The following GRIK4 variants were observed in gnomAD, a reference collection of about 807,000 sequenced individuals.
GRIK4 encodes the protein glutamate receptor ionotropic, kainate 4.
A neutral mutation model predicts 104.9 loss-of-function variants in GRIK4; 40 were observed. The ratio of observed to expected loss-of-function variants is 0.38; its 90% confidence interval spans 0.30 to 0.50. The LOEUF is 0.50. Ranked by LOEUF, GRIK4 falls within the 20% of genes least tolerant of loss-of-function variation. The pLI, the probability that GRIK4 is intolerant of heterozygous loss-of-function variation, is 0.93. For missense variants in GRIK4, 1,047 were observed against 1,308.1 expected (o/e 0.80, Z 3.08); for synonymous variants, 485 against 524.9 (o/e 0.92, Z 1.04).
intron 8 of GRIK4, among the ~76,000 whole-genome samples, chr11:120,851,070 G>C (rs1025697816): frequency 6.6e-6 from 1 of 152,044 alleles, no homozygotes; most frequent in Admixed American, 6.6e-5. Flanking sequence ...CGCATCTCCT[G>C]TGAATTCCAA....
At chr11:120,861,180 C>T (rs1009954921) in intron 8 of GRIK4, among the ~76,000 whole-genome samples, 1 of 142,482 alleles carries the variant, frequency 7.0e-6, no homozygotes, top group African/African-American at 2.6e-5. Flanking sequence ...ACAATCTCGG[C>T]TCACTGCAAC....
At position 120,874,020 on chromosome 11, in the gene GRIK4, T is replaced by C; in HGVS notation, c.907-46T>C. 2.6e-6 allele frequency: 4 copies of C among 1,557,096 alleles called. No homozygotes were observed. The South Asian group carries it at 3.5e-5, about 13-fold the overall frequency. ...TCTCCCTCCCCTCCCTTTCTTCCTCTACACCTCTCACTCCCTCCCTCCGCC... is the reference window on the plus strand; with the variant it reads ...TCTCCCTCCCCTCCCTTTCTTCCTCCACACCTCTCACTCCCTCCCTCCGCC... On this transcript the variant is annotated intron_variant, in intron 9 of 20. Coordinates refer to ENST00000527524, the MANE Select transcript of GRIK4 (RefSeq NM_014619.5).
chr11:120,783,975 C>T (rs1952213338), intron 3 of GRIK4, among the ~76,000 whole-genome samples: 1 of 152,144 alleles, frequency 6.6e-6, no homozygotes, highest in Non-Finnish European at 1.5e-5. Flanking sequence ...ACGGAGGTCC[C>T]AGCCTCAGGG....
At chr11:120,543,296 G>T (rs1051946121) in intron 1 of GRIK4, among the ~76,000 whole-genome samples, 2 of 152,102 alleles carry the variant, frequency 1.3e-5, no homozygotes, top group African/African-American at 4.8e-5. Flanking sequence ...AAAAAACTAG[G>T]CCTGGGTGTG....
At chr11:120,681,897 C>G (rs1284564145) in intron 3 of GRIK4, among the ~76,000 whole-genome samples, 1 of 152,212 alleles carries the variant, frequency 6.6e-6, no homozygotes, top group Non-Finnish European at 1.5e-5. Context: ...TAAAGGCTCT[C>G]CAAGGGGAAG....
intron 1 of GRIK4, among the ~76,000 whole-genome samples, chr11:120,591,256 G>A (rs932270655): frequency 2.0e-5 from 3 of 151,810 alleles, no homozygotes; most frequent in Non-Finnish European, 4.4e-5. Context: ...GCACCTGGAT[G>A]TCAGGAGGCA....
At chr11:120,732,291 C>T (rs1591843552) in intron 3 of GRIK4, among the ~76,000 whole-genome samples, 1 of 151,966 alleles carries the variant, frequency 6.6e-6, no homozygotes, top group African/African-American at 2.4e-5. Flanking sequence ...ACCACAACAC[C>T]CGGCTAATTT....
intron 3 of GRIK4, among the ~76,000 whole-genome samples, chr11:120,691,674 T>A (rs1050735173): frequency 6.6e-6 from 1 of 152,192 alleles, no homozygotes; most frequent in African/African-American, 2.4e-5. Flanking sequence ...TCATCCCCAT[T>A]GAACCCAGGT....
chr11:120,717,386 T>G (rs1212149538), intron 3 of GRIK4, among the ~76,000 whole-genome samples: 5 of 152,154 alleles, frequency 3.3e-5, no homozygotes, highest in Non-Finnish European at 7.4e-5. Flanking sequence ...CTTCCCTACT[T>G]CTCCTGTCCC....
chr11:120,601,967 T>A (rs1183121474), intron 1 of GRIK4, among the ~76,000 whole-genome samples: 1 of 152,150 alleles, frequency 6.6e-6, no homozygotes, highest in African/African-American at 2.4e-5. Context: ...CAGTGACCCC[T>A]GACTCCTACA....
At chr11:120,894,129 C>G (rs1327990931) in intron 11 of GRIK4, among the ~76,000 whole-genome samples, 1 of 152,198 alleles carries the variant, frequency 6.6e-6, no homozygotes, top group Non-Finnish European at 1.5e-5. Context: ...TGAAGCCTTT[C>G]ACAGAGCACA....
At chr11:120,541,260 C>T (rs1948032178) in intron 1 of GRIK4, among the ~76,000 whole-genome samples, 1 of 152,250 alleles carries the variant, frequency 6.6e-6, no homozygotes, top group Non-Finnish European at 1.5e-5. Context: ...ATTGACCCCT[C>T]CTTTGAGCCA....
chr11:120,578,732 C>T (rs1353346565), intron 1 of GRIK4, among the ~76,000 whole-genome samples: 1 of 152,220 alleles, frequency 6.6e-6, no homozygotes, highest in Admixed American at 6.5e-5. Flanking sequence ...AGGGTTGCAC[C>T]CAGCTGGCCA....
At chr11:120,962,773 C>A in intron 18 of GRIK4, 92 bp downstream of exon 18, 1 of 796,924 alleles carries the variant, frequency 1.3e-6, no homozygotes. Flanking sequence ...AATCCAGTAC[C>A]CCCTGTTGTT....
At chr11:120,515,054 C>T (rs1441473545) in intron 1 of GRIK4, 3 of 456,578 alleles carry the variant, frequency 6.6e-6, no homozygotes, top group East Asian at 1.4e-4. Flanking sequence ...AGATGCCTTG[C>T]AGGTGAAGGC....
chr11:120,626,675 C>G (rs1434091303), intron 1 of GRIK4, among the ~76,000 whole-genome samples: 4 of 152,154 alleles, frequency 2.6e-5, no homozygotes, highest in South Asian at 2.1e-4. Flanking sequence ...TGCATCTGTT[C>G]CTCTGCCTGA....
intron 1 of GRIK4, among the ~76,000 whole-genome samples, chr11:120,528,659 G>A (rs1947889165): frequency 6.6e-6 from 1 of 152,204 alleles, no homozygotes; most frequent in African/African-American, 2.4e-5. Context: ...CACAATCATG[G>A]CGGAAGGCAA....
intron 2 of GRIK4, among the ~76,000 whole-genome samples, chr11:120,656,936 C>T (rs1949719997): frequency 6.6e-6 from 1 of 152,142 alleles, no homozygotes. Context: ...GCACGAACTG[C>T]GTGTAGTTCT....
intron 3 of GRIK4, among the ~76,000 whole-genome samples, chr11:120,738,851 C>G (rs1490620166): frequency 6.6e-6 from 1 of 152,200 alleles, no homozygotes; most frequent in Non-Finnish European, 1.5e-5. Flanking sequence ...ATTTCTCATC[C>G]TGGTGAGATG....
Sources: gnomAD v4.1 joint callset for allele counts (sites outside exome capture counted in the v4.1 genomes callset) on GRCh38, gnomAD v4.1.1 for gene constraint, MANE v1.5 for transcripts, NCBI Gene and HGNC (gene_info 2026-07-23, HGNC 2026-07-21) for gene names.